Variants in HPSE2 observed in about 807,000 individuals in gnomAD.
The protein encoded by HPSE2 is inactive heparanase-2.
In HPSE2, 38 loss-of-function variants were observed where a neutral mutation model predicts 60.5. That is an observed-to-expected ratio of 0.63 (90% CI 0.48 to 0.82). The LOEUF (loss-of-function observed/expected upper bound fraction) is 0.82. HPSE2 is among the 40% of genes least tolerant of loss of function. The pLI is 0.00. For missense variants in HPSE2, 713 were observed against 740.4 expected (o/e 0.96, Z 0.43); for synonymous variants, 295 against 293.2 (o/e 1.01, Z -0.06).
At chr10:99,287,279 C>G in the HPSE2 span, among the ~76,000 whole-genome samples, 1 of 151,978 alleles carries the variant, frequency 6.6e-6, no homozygotes, top group African/African-American at 2.4e-5. Flanking sequence ...ATGAGGAGAG[C>G]CTTCAAGTTA....
At chr10:98,803,725 C>A (rs1262648632) in intron 3 of HPSE2, among the ~76,000 whole-genome samples, 7 of 150,526 alleles carry the variant, frequency 4.7e-5, no homozygotes, top group African/African-American at 4.9e-5. Context: ...GTTACTGTAG[C>A]CTTGTAGTAT....
chr10:98,850,573 A>G (rs921739801), intron 3 of HPSE2, among the ~76,000 whole-genome samples: 4 of 151,948 alleles, frequency 2.6e-5, no homozygotes, highest in Non-Finnish European at 5.9e-5. Flanking sequence ...CGTCTCTACT[A>G]AAAATACAAA....
chr10:99,222,961 G>A (rs1849361814), intron 2 of HPSE2, among the ~76,000 whole-genome samples: 1 of 152,144 alleles, frequency 6.6e-6, no homozygotes, highest in Admixed American at 6.5e-5. Context: ...GGGTTTCGGA[G>A]CCAGACAAAT....
chr10:99,167,613 ACTGATTTATGTGTTTATT>A (rs1411714542), intron 2 of HPSE2, among the ~76,000 whole-genome samples: 1 of 152,128 alleles, frequency 6.6e-6, no homozygotes, highest in Non-Finnish European at 1.5e-5. Flanking sequence ...ATTCTGCTCC[ACTGATTTATGTGTTTATT>A]CTTCTATGAA....
intron 3 of HPSE2, among the ~76,000 whole-genome samples, chr10:98,986,978 C>G (rs1281159928): frequency 6.6e-6 from 1 of 152,008 alleles, no homozygotes; most frequent in Non-Finnish European, 1.5e-5. Context: ...CAATAGCAGG[C>G]TCCGAAATCG....
At chr10:99,183,280 A>G (rs1847848998) in intron 2 of HPSE2, among the ~76,000 whole-genome samples, 2 of 152,198 alleles carry the variant, frequency 1.3e-5, no homozygotes, top group African/African-American at 4.8e-5. Flanking sequence ...AGAGACCCAC[A>G]GAGAGGTTCC....
chr10:98,789,264 G>A (rs1950603574), intron 3 of HPSE2, among the ~76,000 whole-genome samples: 1 of 152,192 alleles, frequency 6.6e-6, no homozygotes, highest in African/African-American at 2.4e-5. Context: ...GGGGAACTGT[G>A]AATGCTAGTA....
chr10:99,097,238 C>T (rs1843750225), intron 3 of HPSE2, among the ~76,000 whole-genome samples: 1 of 152,098 alleles, frequency 6.6e-6, no homozygotes, highest in Admixed American at 6.6e-5. Context: ...AGTTCACTGC[C>T]CTTACATCTA....
In HPSE2 at chr10:98,983,303, GA is replaced by G. The variant is rs1956252212; in HGVS notation, c.610+160934del. Reference sequence around the variant, plus strand: ...CTCTAACTAGATGGTCCCATCTGGGGATGATGGGAGACAGTGAAACCAGAAG... The same window carrying G: ...CTCTAACTAGATGGTCCCATCTGGGGTGATGGGAGACAGTGAAACCAGAAG... On this transcript the variant is annotated intron_variant, in intron 3 of 11. Transcript: ENST00000370552. Among the ~76,000 whole-genome samples the G allele has an allele frequency of 2.0e-5, 3 of 152,320 alleles. No individual in the cohort carries two copies. In the South Asian group the frequency reaches 6.2e-4, roughly 32 times the overall value.
chr10:99,222,017 T>C (rs1849330000), intron 2 of HPSE2, among the ~76,000 whole-genome samples: 1 of 152,120 alleles, frequency 6.6e-6, no homozygotes, highest in South Asian at 2.1e-4. Context: ...TGTGAGGTGA[T>C]GAGTGCCCAA....
intron 3 of HPSE2, among the ~76,000 whole-genome samples, chr10:99,023,754 T>C (rs1473677312): frequency 6.6e-6 from 1 of 152,246 alleles, no homozygotes; most frequent in African/African-American, 2.4e-5. Context: ...GCAGTTCCTC[T>C]ATGAGTCAAC....
At chr10:98,546,593 C>T (rs1202292868) in intron 9 of HPSE2, among the ~76,000 whole-genome samples, 1 of 151,632 alleles carries the variant, frequency 6.6e-6, no homozygotes, top group Non-Finnish European at 1.5e-5. Flanking sequence ...GGAAAACTGG[C>T]TAGCCATATG....
intron 9 of HPSE2, among the ~76,000 whole-genome samples, chr10:98,584,367 T>C (rs10736134): frequency 0.9 from 137,105 of 152,224 alleles, 62,098 homozygotes; most frequent in East Asian, 0.96. Flanking sequence ...ATCAAAACTA[T>C]AGCCACACCT....
At chr10:98,579,985 T>C (rs1944747911) in intron 9 of HPSE2, among the ~76,000 whole-genome samples, 1 of 152,240 alleles carries the variant, frequency 6.6e-6, no homozygotes, top group Admixed American at 6.5e-5. Context: ...TGGTGATTTG[T>C]GGACTTTCAT....
intron 3 of HPSE2, among the ~76,000 whole-genome samples, chr10:99,137,635 C>A (rs1394965296): frequency 1.3e-5 from 2 of 152,148 alleles, no homozygotes; most frequent in African/African-American, 4.8e-5. Flanking sequence ...CACAAACAAG[C>A]AATGGGGAAA....
At chr10:99,240,167 C>T (rs576159695), upstream of HPSE2, among the ~76,000 whole-genome samples, 4 of 151,176 alleles carry the variant, frequency 2.6e-5, no homozygotes, top group South Asian at 2.1e-4. Context: ...CCAGTCTGGG[C>T]GACAAGAGCA....
At chr10:98,524,021 T>C (rs944674497) in intron 9 of HPSE2, among the ~76,000 whole-genome samples, 4 of 152,172 alleles carry the variant, frequency 2.6e-5, no homozygotes, top group Admixed American at 2.0e-4. Context: ...TCCACCTGCT[T>C]TCTCCCAGCT....
At chr10:98,531,480 C>T (rs770550939) in intron 9 of HPSE2, among the ~76,000 whole-genome samples, 4 of 152,200 alleles carry the variant, frequency 2.6e-5, no homozygotes, top group Admixed American at 6.5e-5. Flanking sequence ...GTAGTCACTG[C>T]TGGGATCTAC....
chr10:98,688,404 G>T (rs1370926048), intron 6 of HPSE2, among the ~76,000 whole-genome samples: 1 of 148,920 alleles, frequency 6.7e-6, no homozygotes, highest in Non-Finnish European at 1.5e-5. Context: ...ATTATTTTTT[G>T]AGATCCAAGT....
Sources: allele counts gnomAD v4.1 joint callset (sites outside exome capture counted in the v4.1 genomes callset), GRCh38; gene constraint gnomAD v4.1.1; transcripts MANE v1.5; gene names NCBI Gene and HGNC (gene_info 2026-07-23, HGNC 2026-07-21).